The following SPPL3 variants were observed in gnomAD, a reference collection of about 807,000 sequenced individuals.
SPPL3 encodes signal peptide peptidase like 3, also known as signal peptide peptidase-like 3.
Under a neutral mutation model 42.4 loss-of-function variants are expected in SPPL3, and 5 were observed. That is an observed-to-expected ratio of 0.12 (90% CI 0.06 to 0.25). The LOEUF is 0.25. Among genes scored for constraint, SPPL3 ranks in the 10% least tolerant of loss-of-function variants. SPPL3 has a pLI of 1.00. For missense variants in SPPL3, 235 were observed against 489.0 expected, an observed-to-expected ratio of 0.48 and a Z score of 4.90; for synonymous variants, 195 against 181.8, an observed-to-expected ratio of 1.07 and a Z score of -0.58.
chr12:120,778,752 G>C (rs1297942146), intron 6 of SPPL3, among the ~76,000 whole-genome samples: 1 of 152,018 alleles, frequency 6.6e-6, no homozygotes, highest in Non-Finnish European at 1.5e-5. Context: ...TTGACACACA[G>C]ACATTCAAAT....
At chr12:120,827,475 A>C (rs2137014189) in intron 1 of SPPL3, among the ~76,000 whole-genome samples, 1 of 152,186 alleles carries the variant, frequency 6.6e-6, no homozygotes, top group African/African-American at 2.4e-5. Context: ...CTTCTCCCTG[A>C]GGAACATACT....
intron 3 of SPPL3, among the ~76,000 whole-genome samples, chr12:120,784,794 A>G (rs537559336): frequency 6.6e-6 from 1 of 152,250 alleles, no homozygotes; most frequent in Admixed American, 6.5e-5. Context: ...TCATTACAGC[A>G]GACACTCAGG....
chr12:120,773,142 A>C (rs1236046597), intron 6 of SPPL3, among the ~76,000 whole-genome samples: 1 of 152,216 alleles, frequency 6.6e-6, no homozygotes, highest in African/African-American at 2.4e-5. Flanking sequence ...TGAGAGATGT[A>C]CCCAGAGCCC....
chr12:120,784,030 T>TA (rs1320376114), intron 4 of SPPL3, among the ~76,000 whole-genome samples: 1 of 152,228 alleles, frequency 6.6e-6, no homozygotes. Flanking sequence ...GATTTTTTTT[T>TA]ACATTTCCAT....
rs79363074 is a variant in SPPL3 at position 120,848,932 on chromosome 12, T to C, written c.24-38046A>G. On this transcript the variant is annotated intron_variant, in intron 1 of 10. Coordinates refer to ENST00000353487, the MANE Select transcript of SPPL3 (RefSeq NM_139015.5). ...TTGTGTAACACTCAATTTTGGTTTT[T>C]TTTTTGGCCATCTTTCAAGGCCCAG... Among the ~76,000 whole-genome samples the C allele has an allele frequency of 4.6e-3, 700 of 152,294 alleles. 37 individuals are homozygous for C. In the East Asian group the frequency reaches 0.1, roughly 23 times the overall value.
chr12:120,840,842 A>G (rs977894770), intron 1 of SPPL3, among the ~76,000 whole-genome samples: 4 of 152,084 alleles, frequency 2.6e-5, no homozygotes, highest in African/African-American at 9.7e-5. Flanking sequence ...TGAAAAAATA[A>G]AATAAAAATA....
chr12:120,903,731 C>G, intron 1 of SPPL3, 114 bp downstream of exon 1: 3 of 536,142 alleles, frequency 5.6e-6, no homozygotes, highest in Non-Finnish European at 9.0e-6. Flanking sequence ...CCCCAACCCG[C>G]GCCCCCCCCC....
chr12:120,871,699 G>A (rs1872937635), intron 1 of SPPL3, among the ~76,000 whole-genome samples: 1 of 152,128 alleles, frequency 6.6e-6, no homozygotes, highest in Non-Finnish European at 1.5e-5. Flanking sequence ...GTTGCAGCGA[G>A]CCGAGATTGT....
At chr12:120,861,950 GAGCAACATAC>G (rs1359575944) in intron 1 of SPPL3, among the ~76,000 whole-genome samples, 1 of 152,070 alleles carries the variant, frequency 6.6e-6, no homozygotes, top group African/African-American at 2.4e-5. Flanking sequence ...CTAGAATTTT[GAGCAACATAC>G]TTGAAGGTAT....
intron 3 of SPPL3, among the ~76,000 whole-genome samples, chr12:120,790,756 G>C (rs1057503176): frequency 6.6e-6 from 1 of 151,900 alleles, no homozygotes; most frequent in Admixed American, 6.6e-5. Context: ...GCTATGGTGA[G>C]GGTCACCGAA....
intron 1 of SPPL3, among the ~76,000 whole-genome samples, chr12:120,894,837 C>T (rs1179365425): frequency 6.6e-6 from 1 of 152,146 alleles, no homozygotes; most frequent in Non-Finnish European, 1.5e-5. Flanking sequence ...ATACCAGCTA[C>T]TAGTGGGGCT....
chr12:120,812,791 CCTCT>C (rs1870726566), intron 1 of SPPL3, among the ~76,000 whole-genome samples: 1 of 152,234 alleles, frequency 6.6e-6, no homozygotes. Flanking sequence ...AGTTACTTAG[CCTCT>C]CTAAGCTTCA....
At chr12:120,775,009 C>G in intron 6 of SPPL3, among the ~76,000 whole-genome samples, 1 of 152,298 alleles carries the variant, frequency 6.6e-6, no homozygotes, top group East Asian at 1.9e-4. Context: ...GGGACAAAGA[C>G]AGTGACACCA....
At chr12:120,789,786 T>G (rs668829) in intron 3 of SPPL3, among the ~76,000 whole-genome samples, 3 of 127,404 alleles carry the variant, frequency 2.4e-5, no homozygotes, top group Admixed American at 8.7e-5. Context: ...GATCACGTCA[T>G]TGCACTCCAG....
At chr12:120,881,050 C>T (rs1478040621) in intron 1 of SPPL3, among the ~76,000 whole-genome samples, 3 of 152,000 alleles carry the variant, frequency 2.0e-5, no homozygotes, top group Non-Finnish European at 4.4e-5. Context: ...AAAGAAAACA[C>T]ACACACACAC....
At chr12:120,766,134 ACACACACAGT>A in intron 10 of SPPL3, 119 bp downstream of exon 10, 1 of 650,576 alleles carries the variant, frequency 1.5e-6, no homozygotes, top group East Asian at 3.1e-5. Flanking sequence ...ACACACACAC[ACACACACAGT>A]CGAGATCACA....
intron 1 of SPPL3, among the ~76,000 whole-genome samples, chr12:120,858,605 G>C (rs950683599): frequency 6.6e-6 from 1 of 151,956 alleles, no homozygotes; most frequent in African/African-American, 2.4e-5. Flanking sequence ...ACAACCAACG[G>C]GTAACAGATA....
At chr12:120,870,909 C>T (rs1322153188) in intron 1 of SPPL3, among the ~76,000 whole-genome samples, 1 of 151,762 alleles carries the variant, frequency 6.6e-6, no homozygotes, top group East Asian at 1.9e-4. Context: ...GGGCAGATTG[C>T]CTCAGCTCAG....
At chr12:120,800,517 AAAAAC>A (rs1289126433) in intron 2 of SPPL3, among the ~76,000 whole-genome samples, 1 of 152,216 alleles carries the variant, frequency 6.6e-6, no homozygotes, top group Non-Finnish European at 1.5e-5. Context: ...CAAAAAAACA[AAAAAC>A]AAAACAAGAA....
Sources: gnomAD v4.1 joint callset for allele counts (sites outside exome capture counted in the v4.1 genomes callset) on GRCh38, gnomAD v4.1.1 for gene constraint, MANE v1.5 for transcripts, NCBI Gene and HGNC (gene_info 2026-07-23, HGNC 2026-07-21) for gene names.